The following EXOC6B variants were observed in gnomAD, a reference collection of about 807,000 sequenced individuals.
EXOC6B encodes SEC15 homolog B.
EXOC6B carries 54 observed loss-of-function variants against 113.5 expected under a neutral mutation model. The observed-to-expected ratio is 0.48, with a 90% CI of 0.38 to 0.60. The LOEUF is 0.60. Among genes scored for constraint, EXOC6B ranks in the 20% least tolerant of loss-of-function variants. The pLI, the probability that EXOC6B is intolerant of heterozygous loss-of-function variation, is 0.00. For missense variants in EXOC6B, 797 were observed against 977.5 expected (o/e 0.82, Z 2.46); for synonymous variants, 357 against 339.0 (o/e 1.05, Z -0.58).
At chr2:72,731,391 T>C (rs1228292379) in intron 3 of EXOC6B, 146 bp from the exon 4 acceptor site, 2 of 639,586 alleles carry the variant, frequency 3.1e-6, no homozygotes, top group Admixed American at 2.8e-5. Flanking sequence ...GGAACTGCCT[T>C]TCCTAACCAG....
intron 20 of EXOC6B, among the ~76,000 whole-genome samples, chr2:72,186,833 T>C (rs188247010): frequency 4.3e-4 from 65 of 152,292 alleles, no homozygotes; most frequent in Non-Finnish European, 7.8e-4. Context: ...TGGAGAGAAG[T>C]TCATGGCTTA....
At chr2:72,562,053 C>T (rs905095476) in intron 7 of EXOC6B, among the ~76,000 whole-genome samples, 6 of 152,092 alleles carry the variant, frequency 3.9e-5, no homozygotes, top group Non-Finnish European at 5.9e-5. Context: ...TCTATGCTCC[C>T]CTCTGTGAAG....
intron 20 of EXOC6B, among the ~76,000 whole-genome samples, chr2:72,298,413 C>T (rs551850704): frequency 5.9e-5 from 9 of 152,110 alleles, no homozygotes; most frequent in Non-Finnish European, 1.3e-4. Flanking sequence ...GAATACAGCA[C>T]ACTGATGGGT....
rs146987666 is a variant in EXOC6B at position 72,333,852 on chromosome 2, G to A, written c.2196+1095C>T. 2.6e-3 allele frequency among the ~76,000 whole-genome samples: 397 copies of A among 152,152 alleles called. 1 individual carries two copies. The highest frequency in any genetic ancestry group is 9.0e-3 in the African/African-American group (374 of 41,532). ...GACAGATTACACCACCCATCTACAA[G>A]GATTCAGGGGTAGCTCAGGCCATCC... is the stretch of plus-strand genomic sequence containing the variant. On this transcript the variant is annotated intron_variant, in intron 20 of 21. Transcript: ENST00000272427.
intron 21 of EXOC6B, among the ~76,000 whole-genome samples, chr2:72,183,307 T>G (rs1197750639): frequency 6.6e-6 from 1 of 152,224 alleles, no homozygotes; most frequent in African/African-American, 2.4e-5. Context: ...TATATGGGTC[T>G]TGGTCTCTGA....
intron 20 of EXOC6B, among the ~76,000 whole-genome samples, chr2:72,270,952 T>C (rs1003287530): frequency 6.6e-6 from 1 of 152,168 alleles, no homozygotes; most frequent in Non-Finnish European, 1.5e-5. Context: ...ATCTTCTTTG[T>C]GTGTACAGAA....
chr2:72,374,021 C>T (rs1691198833), intron 19 of EXOC6B, among the ~76,000 whole-genome samples: 1 of 151,946 alleles, frequency 6.6e-6, no homozygotes, highest in African/African-American at 2.4e-5. Context: ...TGCAGTAAGC[C>T]AAGTCATGCC....
At chr2:72,784,618 T>C (rs1684265715) in intron 1 of EXOC6B, among the ~76,000 whole-genome samples, 1 of 152,150 alleles carries the variant, frequency 6.6e-6, no homozygotes. Flanking sequence ...CGGAAACCCC[T>C]GATAAACCCA....
chr2:72,559,246 T>C (rs1169249830), intron 8 of EXOC6B, among the ~76,000 whole-genome samples: 1 of 152,226 alleles, frequency 6.6e-6, no homozygotes, highest in East Asian at 1.9e-4. Context: ...TACTGATTTA[T>C]TGATGACTAA....
chr2:72,445,812 C>T (rs1696539982), intron 18 of EXOC6B, among the ~76,000 whole-genome samples: 2 of 152,126 alleles, frequency 1.3e-5, no homozygotes, highest in Admixed American at 1.3e-4. Context: ...CATATCACAA[C>T]CCCATTAAGA....
At chr2:72,369,033 T>A (rs1025968639) in intron 19 of EXOC6B, among the ~76,000 whole-genome samples, 1 of 152,062 alleles carries the variant, frequency 6.6e-6, no homozygotes. Flanking sequence ...GGCAGGAGAA[T>A]GAATTAAAGG....
intron 1 of EXOC6B, among the ~76,000 whole-genome samples, chr2:72,798,111 A>T (rs374352996): frequency 4.9e-4 from 74 of 152,268 alleles, no homozygotes; most frequent in African/African-American, 1.6e-3. Context: ...CTTGGGACTA[A>T]CACAGTAACT....
intron 18 of EXOC6B, among the ~76,000 whole-genome samples, chr2:72,451,704 T>C (rs1696931819): frequency 6.9e-6 from 1 of 145,308 alleles, no homozygotes; most frequent in African/African-American, 2.7e-5. Flanking sequence ...CTAATCACTT[T>C]TTAAGAAGGT....
intron 18 of EXOC6B, among the ~76,000 whole-genome samples, chr2:72,423,966 C>CT (rs1695059516): frequency 6.6e-6 from 1 of 152,284 alleles, no homozygotes; most frequent in African/African-American, 2.4e-5. Flanking sequence ...GGAATATATT[C>CT]TTTTAATACA....
intron 6 of EXOC6B, among the ~76,000 whole-genome samples, chr2:72,592,561 C>T (rs1172059701): frequency 2.6e-5 from 4 of 152,126 alleles, no homozygotes; most frequent in Middle Eastern, 3.2e-3. Context: ...TCAAAGCAAA[C>T]GTGAATCCTC....
intron 1 of EXOC6B, among the ~76,000 whole-genome samples, chr2:72,820,806 ACTC>A (rs1343142285): frequency 6.6e-6 from 1 of 152,032 alleles, no homozygotes; most frequent in African/African-American, 2.4e-5. Context: ...GAAACTGGAC[ACTC>A]CTCCTTACAT....
chr2:72,637,434 G>A (rs1443348659), intron 6 of EXOC6B, among the ~76,000 whole-genome samples: 1 of 150,810 alleles, frequency 6.6e-6, no homozygotes, highest in East Asian at 2.0e-4. Flanking sequence ...AAATTTACAA[G>A]AAAAAAACAA....
intron 6 of EXOC6B, among the ~76,000 whole-genome samples, chr2:72,647,466 T>G (rs1673818922): frequency 6.6e-6 from 1 of 152,080 alleles, no homozygotes; most frequent in African/African-American, 2.4e-5. Flanking sequence ...CAGCCTGCAT[T>G]GCCAAGACAA....
intron 1 of EXOC6B, among the ~76,000 whole-genome samples, chr2:72,762,796 T>A (rs1682820141): frequency 6.6e-6 from 1 of 151,800 alleles, no homozygotes. Context: ...AGATAACATT[T>A]AAAAAAAGAT....
Sources: allele counts gnomAD v4.1 joint callset (sites outside exome capture counted in the v4.1 genomes callset), GRCh38; gene constraint gnomAD v4.1.1; transcripts MANE v1.5; gene names NCBI Gene and HGNC (gene_info 2026-07-23, HGNC 2026-07-21).